Variants in NUS1 observed in about 807,000 individuals in gnomAD.
The protein encoded by NUS1 is dehydrodolichyl diphosphate synthase complex subunit NUS1.
For synonymous variants in NUS1, 135 were observed against 155.2 expected (o/e 0.87, Z 0.97); for missense variants, 292 against 382.9 (o/e 0.76, Z 1.98).
intron 2 of NUS1, among the ~76,000 whole-genome samples, chr6:117,693,611 A>G (rs1229827574): frequency 6.6e-6 from 1 of 152,206 alleles, no homozygotes; most frequent in Admixed American, 6.5e-5. Flanking sequence ...TATGTATGCT[A>G]TAGGCAATGC....
chr6:117,690,634 G>A (rs762541467), intron 1 of NUS1, among the ~76,000 whole-genome samples: 4 of 151,980 alleles, frequency 2.6e-5, no homozygotes, highest in African/African-American at 4.8e-5. Context: ...TCTATCATCG[G>A]CTGTCTAAAA....
chr6:117,701,245 C>CTTTTTT (rs1181868381), intron 3 of NUS1, among the ~76,000 whole-genome samples: 2 of 120,672 alleles, frequency 1.7e-5, no homozygotes, highest in African/African-American at 2.9e-5. Context: ...TTCTAATTTT[C>CTTTTTT]TTTTTTTTTT....
rs1369824059 is a variant in NUS1, at chr6:117,709,175, C to T, written c.*2160C>T. 1 of 152,316 alleles carries T rather than the reference C, an allele frequency of 6.6e-6. No individual in the cohort carries two copies. The highest frequency in any genetic ancestry group is 1.5e-5 in the Non-Finnish European group (1 of 67,998). 9.4% of individuals were successfully genotyped at this position (152,316 alleles called of 1,614,324 possible). A position where few individuals can be genotyped will look rare whatever the true frequency, so the allele number is the denominator to read the frequency against. ...GAATGGCATTGGTTGTTCTGTAATT[C>T]CTGCCAAAAGCATCACAAGTTGTAC... On this transcript the variant is annotated 3_prime_UTR_variant, in exon 5 of 5. Transcript: ENST00000368494.
At position 117,710,154 on chromosome 6, in the gene NUS1, A is replaced by G. The variant is rs1460452639; in HGVS notation, c.*3139A>G. On this transcript the variant is annotated 3_prime_UTR_variant, in exon 5 of 5. Coordinates refer to ENST00000368494, the MANE Select transcript of NUS1 (RefSeq NM_138459.5). ...AAAGGAATTTGATAGTTCTTGTCAA[A>G]TGAGAAAATTTAAAGGTAAGAGTTA... 1 of 152,186 alleles carries G rather than the reference A, an allele frequency of 6.6e-6. No homozygotes were observed. The highest frequency in any genetic ancestry group is 2.4e-5 in the African/African-American group (1 of 41,464). The allele number at this position is 152,186 out of a possible 1,614,324, so 9.4% of individuals were successfully genotyped here.
intron 1 of NUS1, among the ~76,000 whole-genome samples, chr6:117,681,902 G>A (rs552031391): frequency 2.0e-5 from 3 of 152,244 alleles, no homozygotes; most frequent in Admixed American, 6.5e-5. Context: ...GTGCGATCTC[G>A]GCTCACTGCG....
intron 4 of NUS1, among the ~76,000 whole-genome samples, chr6:117,704,212 A>G (rs1043324682): frequency 6.6e-6 from 1 of 152,104 alleles, no homozygotes; most frequent in Non-Finnish European, 1.5e-5. Flanking sequence ...GAGCCTGTGT[A>G]TTATGTGGGA....
At chr6:117,699,654 G>A (rs112081554) in intron 3 of NUS1, among the ~76,000 whole-genome samples, 1,881 of 152,090 alleles carry the variant, frequency 0.012, 44 homozygotes, top group African/African-American at 0.042. Context: ...AAAACAATCC[G>A]AAAATTTATA....
chr6:117,686,692 A>G (rs575841646), intron 1 of NUS1, among the ~76,000 whole-genome samples: 2 of 152,268 alleles, frequency 1.3e-5, no homozygotes, highest in East Asian at 3.9e-4. Context: ...TAGTTTCTTT[A>G]TCATTTTGGC....
chr6:117,690,417 G>GTA (rs2114684786), intron 1 of NUS1, among the ~76,000 whole-genome samples: 1 of 152,246 alleles, frequency 6.6e-6, no homozygotes, highest in Non-Finnish European at 1.5e-5. Context: ...ACTCCCAAGT[G>GTA]TATATATATC....
chr6:117,689,198 T>C (rs541930549), intron 1 of NUS1, among the ~76,000 whole-genome samples: 5 of 152,264 alleles, frequency 3.3e-5, no homozygotes, highest in Admixed American at 1.3e-4. Flanking sequence ...TCAGAGAAGC[T>C]GAGGAGGGAA....
At chr6:117,686,729 A>C (rs1338356092) in intron 1 of NUS1, among the ~76,000 whole-genome samples, 1 of 152,214 alleles carries the variant, frequency 6.6e-6, no homozygotes, top group Non-Finnish European at 1.5e-5. Context: ...GAAGGGAAAC[A>C]GGATGAATTA....
intron 1 of NUS1, among the ~76,000 whole-genome samples, chr6:117,691,741 C>A (rs534322315): frequency 6.7e-6 from 1 of 150,116 alleles, no homozygotes; most frequent in Admixed American, 6.7e-5. Flanking sequence ...AGAATACTCA[C>A]CAGAATTTGC....
intron 1 of NUS1, among the ~76,000 whole-genome samples, chr6:117,678,309 A>T (rs1773012877): frequency 6.6e-6 from 1 of 152,142 alleles, no homozygotes; most frequent in African/African-American, 2.4e-5. Flanking sequence ...CAATTAGTCC[A>T]TTCTTGGTTT....
chr6:117,703,688 A>G lies in NUS1; in HGVS notation c.775A>G (p.Arg259Gly). ...ATTAGGCTTTCTTCCCTGGCACATC[A>G]GATTGACTGAGATTGTGTAAGTAAT... is the stretch of plus-strand genomic sequence containing the variant. ...STLGFLPWHIRLTEIVSLPSH... is the reference protein window; with the variant it reads ...STLGFLPWHIGLTEIVSLPSH... The change falls in exon 4 of 5, where the codon AGA becomes GGA. Residue 259 changes from arginine to glycine, a missense_variant. By Grantham distance (125) the Arg-to-Gly change is moderately radical (BLOSUM62 -2). Coordinates refer to ENST00000368494, the MANE Select transcript of NUS1 (RefSeq NM_138459.5). 5.0e-6 allele frequency: 8 copies of G among 1,610,480 alleles called. No homozygotes were observed. Among genetic ancestry groups the G allele is most frequent in the Non-Finnish European group, 6.8e-6 (8 of 1,176,672 alleles).
chr6:117,707,016 T>G lies in NUS1; in HGVS notation c.*1T>G, dbSNP rs902474433. On this transcript the variant is annotated 3_prime_UTR_variant, in exon 5 of 5. Transcript: ENST00000368494. ...CTGTGAACAGCGTCTGGGAAAGTAG[T>G]GGTCATTGGTTGCATAATTTGATTT... 39 of 1,611,412 alleles carry G rather than the reference T, an allele frequency of 2.4e-5. No homozygotes were observed. In the Admixed American group the frequency reaches 5.5e-4, roughly 23 times the overall value.
At chr6:117,691,658 TTA>T (rs777987720) in intron 1 of NUS1, among the ~76,000 whole-genome samples, 6 of 147,296 alleles carry the variant, frequency 4.1e-5, no homozygotes, top group Admixed American at 2.0e-4. Context: ...TATATTTATA[TTA>T]TATATATTTA....
chr6:117,695,193 C>CAAAAAAAA (rs58136219), intron 3 of NUS1, among the ~76,000 whole-genome samples: 63 of 55,238 alleles, frequency 1.1e-3, no homozygotes, highest in African/African-American at 1.6e-3. Context: ...GACCCTGTCT[C>CAAAAAAAA]AAAAAAAAAA....
chr6:117,699,315 G>A (rs1234830016), intron 3 of NUS1, among the ~76,000 whole-genome samples: 1 of 152,024 alleles, frequency 6.6e-6, no homozygotes, highest in Non-Finnish European at 1.5e-5. Flanking sequence ...CAAAACCAAT[G>A]TACAAAAATC....
chr6:117,703,542 C>CTGTGTG, intron 3 of NUS1, 63 bp from the exon 4 acceptor site: 1 of 1,100,760 alleles, frequency 9.1e-7, no homozygotes, highest in Non-Finnish European at 1.4e-6. Context: ...CTGTGTGTTT[C>CTGTGTG]TGTGTGTGTG....
Sources: allele counts gnomAD v4.1 joint callset (sites outside exome capture counted in the v4.1 genomes callset), GRCh38; gene constraint gnomAD v4.1.1; transcripts MANE v1.5; gene names NCBI Gene and HGNC (gene_info 2026-07-23, HGNC 2026-07-21).